Variants in NDST4 observed in about 807,000 individuals in gnomAD.
NDST4 encodes N-deacetylase and N-sulfotransferase 4.
Under a neutral mutation model 100.8 loss-of-function variants are expected in NDST4, and 63 were observed. The observed-to-expected ratio is 0.62, with a 90% CI of 0.51 to 0.77. The LOEUF is 0.77. NDST4 is among the 30% of genes least tolerant of loss of function. NDST4 has a pLI of 0.00. For missense variants in NDST4, 943 were observed against 1,018.4 expected (o/e 0.93, Z 1.01); for synonymous variants, 377 against 361.8 (o/e 1.04, Z -0.48).
intron 1 of NDST4, among the ~76,000 whole-genome samples, chr4:115,078,892 A>G (rs1028590655): frequency 3.9e-5 from 6 of 152,052 alleles, no homozygotes; most frequent in African/African-American, 1.4e-4. Context: ...CTAACAACCT[A>G]TACTGGGATA....
chr4:115,024,628 CT>C (rs1727940871), intron 2 of NDST4, among the ~76,000 whole-genome samples: 1 of 152,038 alleles, frequency 6.6e-6, no homozygotes, highest in Non-Finnish European at 1.5e-5. Context: ...TGAATCATGC[CT>C]TGAGTCTCAC....
intron 2 of NDST4, among the ~76,000 whole-genome samples, chr4:115,057,626 G>A (rs1728723900): frequency 6.6e-6 from 1 of 151,834 alleles, no homozygotes; most frequent in African/African-American, 2.4e-5. Flanking sequence ...CATAGTACTC[G>A]AATGAGTGAT....
At chr4:114,986,793 C>T (rs867507803) in intron 2 of NDST4, among the ~76,000 whole-genome samples, 2,538 of 90,754 alleles carry the variant, frequency 0.028, 182 homozygotes, top group African/African-American at 0.11. Context: ...TCCAATTATA[C>T]ATATATATAT....
intron 6 of NDST4, among the ~76,000 whole-genome samples, chr4:114,927,311 T>C (rs536023162): frequency 1.3e-5 from 2 of 152,018 alleles, no homozygotes; most frequent in African/African-American, 4.8e-5. Flanking sequence ...GTATTCTTAG[T>C]ACAAGATGAA....
At chr4:115,004,820 A>G (rs1727378513) in intron 2 of NDST4, among the ~76,000 whole-genome samples, 1 of 152,198 alleles carries the variant, frequency 6.6e-6, no homozygotes, top group Admixed American at 6.5e-5. Flanking sequence ...TAAATTTTTA[A>G]TAGGAGAAAA....
intron 2 of NDST4, among the ~76,000 whole-genome samples, chr4:115,069,599 G>A (rs1308383043): frequency 6.6e-6 from 1 of 152,104 alleles, no homozygotes; most frequent in Non-Finnish European, 1.5e-5. Context: ...AAACCACAAT[G>A]AGATATCATC....
chr4:114,979,172 A>G (rs1726709112), intron 2 of NDST4, among the ~76,000 whole-genome samples: 1 of 151,708 alleles, frequency 6.6e-6, no homozygotes, highest in Non-Finnish European at 1.5e-5. Context: ...CCAGCTCCCA[A>G]TGCCATTTCC....
chr4:115,053,310 C>A (rs1331612222), intron 2 of NDST4, among the ~76,000 whole-genome samples: 1 of 152,122 alleles, frequency 6.6e-6, no homozygotes, highest in African/African-American at 2.4e-5. Context: ...GAAAAACATA[C>A]TCAATGTACT....
chr4:115,022,075 C>T (rs973918175), intron 2 of NDST4, among the ~76,000 whole-genome samples: 3 of 151,646 alleles, frequency 2.0e-5, no homozygotes, highest in Non-Finnish European at 4.4e-5. Flanking sequence ...CATTCCACGT[C>T]TATACACGTT....
chr4:114,963,334 G>A (rs938807188), intron 4 of NDST4, among the ~76,000 whole-genome samples: 2 of 152,122 alleles, frequency 1.3e-5, no homozygotes, highest in Non-Finnish European at 2.9e-5. Context: ...AAGTCAAAAA[G>A]ACCATGTAAT....
chr4:114,907,797 G>A (rs906543597), intron 6 of NDST4, among the ~76,000 whole-genome samples: 1 of 152,004 alleles, frequency 6.6e-6, no homozygotes, highest in Non-Finnish European at 1.5e-5. Context: ...AAAGAAAAAA[G>A]AGGGCCAAAG....
chr4:115,088,252 C>G (rs1366690215), intron 1 of NDST4, among the ~76,000 whole-genome samples: 1 of 151,590 alleles, frequency 6.6e-6, no homozygotes, highest in Non-Finnish European at 1.5e-5. Flanking sequence ...GTTTCCCAAA[C>G]TGAAAAATTC....
chr4:114,844,509 A>T (rs1356492426), intron 10 of NDST4, among the ~76,000 whole-genome samples: 1 of 151,708 alleles, frequency 6.6e-6, no homozygotes, highest in Admixed American at 6.6e-5. Flanking sequence ...TGTATCCTCT[A>T]CTCCACCTTT....
intron 2 of NDST4, among the ~76,000 whole-genome samples, chr4:115,007,238 G>A (rs1727439650): frequency 1.3e-5 from 2 of 152,174 alleles, no homozygotes; most frequent in African/African-American, 2.4e-5. Context: ...ACAGACTATG[G>A]AACCAGTAAA....
At chr4:115,009,846 A>C in intron 2 of NDST4, among the ~76,000 whole-genome samples, 1 of 79,384 alleles carries the variant, frequency 1.3e-5, no homozygotes, top group Non-Finnish European at 2.4e-5. Context: ...CAAGAAAAAA[A>C]CAAACAACCC....
At chr4:114,996,555 CT>C (rs1727168842) in intron 2 of NDST4, among the ~76,000 whole-genome samples, 1 of 152,002 alleles carries the variant, frequency 6.6e-6, no homozygotes, top group South Asian at 2.1e-4. Context: ...TCCAAGAGGC[CT>C]TTTAAGGACT....
intron 7 of NDST4, among the ~76,000 whole-genome samples, chr4:114,856,943 A>G (rs1723810202): frequency 6.6e-6 from 1 of 152,202 alleles, no homozygotes; most frequent in African/African-American, 2.4e-5. Flanking sequence ...GAGGTAGCAC[A>G]GTGCTAGGAA....
intron 11 of NDST4, among the ~76,000 whole-genome samples, chr4:114,836,013 G>T (rs894923626): frequency 6.6e-6 from 1 of 151,982 alleles, no homozygotes; most frequent in Non-Finnish European, 1.5e-5. Flanking sequence ...GTCTTCGCAC[G>T]TGAGATGGGT....
intron 6 of NDST4, among the ~76,000 whole-genome samples, chr4:114,877,063 A>AC (rs1724269299): frequency 1.4e-5 from 2 of 145,728 alleles, no homozygotes; most frequent in Non-Finnish European, 3.0e-5. Context: ...AAGTGTTATT[A>AC]ACACACACAC....
Sources: allele counts gnomAD v4.1 joint callset (sites outside exome capture counted in the v4.1 genomes callset), GRCh38; gene constraint gnomAD v4.1.1; transcripts MANE v1.5; gene names NCBI Gene and HGNC (gene_info 2026-07-23, HGNC 2026-07-21).